Variants in FBLN7 observed in about 807,000 individuals in gnomAD.
FBLN7 encodes the protein fibulin-7.
FBLN7 carries 31 observed loss-of-function variants against 44.0 expected under a neutral mutation model. The observed-to-expected ratio is 0.70, with a 90% CI of 0.53 to 0.95. The LOEUF is 0.95. FBLN7 is among the 40% of genes least tolerant of loss of function. The pLI is 0.00. For missense variants in FBLN7, 573 were observed against 618.5 expected (o/e 0.93, Z 0.78); for synonymous variants, 262 against 253.4 (o/e 1.03, Z -0.32).
the FBLN7 span, among the ~76,000 whole-genome samples, chr2:112,227,844 T>C: frequency 3.1e-3 from 478 of 152,340 alleles, 3 homozygotes; most frequent in Middle Eastern, 0.017. Flanking sequence ...AGACATTCCA[T>C]GCTCACAGAT....
At chr2:112,190,882 T>C (rs941025839), downstream of FBLN7, among the ~76,000 whole-genome samples, 6 of 152,152 alleles carry the variant, frequency 3.9e-5, no homozygotes, top group Non-Finnish European at 7.4e-5. Context: ...AGCTAGGAAA[T>C]ATGTATTATT....
At chr2:112,157,943 T>C (rs931841855) in intron 1 of FBLN7, among the ~76,000 whole-genome samples, 15 of 144,334 alleles carry the variant, frequency 1.0e-4, no homozygotes, top group Non-Finnish European at 2.2e-4. Flanking sequence ...GTCGCCCAGG[T>C]TGGAGTGCAG....
chr2:112,228,500 CAA>C, the FBLN7 span, among the ~76,000 whole-genome samples: 20 of 77,004 alleles, frequency 2.6e-4, no homozygotes, highest in African/African-American at 4.0e-4. Context: ...GACTCTGTCT[CAA>C]AAAAAAAAAA....
At chr2:112,204,274 A>C in the FBLN7 span, among the ~76,000 whole-genome samples, 4 of 142,946 alleles carry the variant, frequency 2.8e-5, no homozygotes, top group Admixed American at 2.1e-4. Context: ...CTTGAGGAAC[A>C]AAAAAAAAAA....
chr2:112,167,932 T>TGTTATGTTATGTTA (rs1682256446), intron 3 of FBLN7, among the ~76,000 whole-genome samples: 2 of 152,174 alleles, frequency 1.3e-5, no homozygotes, highest in East Asian at 1.9e-4. Context: ...TCACTGCTAC[T>TGTTATGTTATGTTA]TGCCCTGATG....
chr2:112,188,966 C>T (rs554907727), downstream of FBLN7: 1 of 152,256 alleles, frequency 6.6e-6, no homozygotes, highest in Non-Finnish European at 1.5e-5. Context: ...CTGCACACCA[C>T]CCAGTCCCAT....
the FBLN7 span, among the ~76,000 whole-genome samples, chr2:112,208,066 G>A: frequency 1.3e-5 from 2 of 152,272 alleles, no homozygotes; most frequent in South Asian, 4.1e-4. Context: ...TAAACAAATG[G>A]GCATAGTTGT....
intron 3 of FBLN7, among the ~76,000 whole-genome samples, chr2:112,172,627 C>CTTTTTTTTTTTTTT (rs35062438): frequency 8.5e-4 from 75 of 88,140 alleles, no homozygotes; most frequent in Non-Finnish European, 1.1e-3. Context: ...CTTTTTCTTT[C>CTTTTTTTTTTTTTT]TTTTTTTTTT....
At chr2:112,180,174 C>T (rs537551256) in intron 4 of FBLN7, among the ~76,000 whole-genome samples, 5 of 152,068 alleles carry the variant, frequency 3.3e-5, no homozygotes, top group African/African-American at 1.2e-4. Flanking sequence ...AAGTGGGCAA[C>T]GTACATGAAC....
the FBLN7 span, among the ~76,000 whole-genome samples, chr2:112,207,771 A>G: frequency 6.6e-6 from 1 of 152,216 alleles, no homozygotes; most frequent in Non-Finnish European, 1.5e-5. Context: ...CAGTGACTCT[A>G]TCTTTTGAAG....
chr2:112,234,406 T>C, the FBLN7 span, among the ~76,000 whole-genome samples: 8 of 152,228 alleles, frequency 5.3e-5, no homozygotes, highest in Admixed American at 6.5e-5. Flanking sequence ...AATGAATGTT[T>C]TGTCAGTTTC....
chr2:112,184,836 TAC>T (rs201187119), intron 6 of FBLN7, among the ~76,000 whole-genome samples: 1 of 140,452 alleles, frequency 7.1e-6, no homozygotes, highest in Non-Finnish European at 1.5e-5. Flanking sequence ...TACATATATA[TAC>T]ACACACACAT....
downstream of FBLN7, chr2:112,189,542 G>A (rs867127217): frequency 6.6e-6 from 1 of 152,186 alleles, no homozygotes; most frequent in African/African-American, 2.4e-5. Flanking sequence ...TCCTTTCAGA[G>A]CTCCACTCTG....
the FBLN7 span, among the ~76,000 whole-genome samples, chr2:112,228,865 G>C: frequency 1.3e-5 from 2 of 150,982 alleles, no homozygotes; most frequent in Admixed American, 1.3e-4. Flanking sequence ...CATACGTAAA[G>C]AACTCCTAAA....
At position 112,175,780 on chromosome 2, in the gene FBLN7, A is replaced by G. The variant is rs1276478030; in HGVS notation, c.473A>G (p.Tyr158Cys). 1.9e-6 allele frequency: 3 copies of G among 1,614,222 alleles called. No homozygotes were observed. The highest frequency in any genetic ancestry group is 2.2e-5 in the East Asian group (1 of 44,890). The stretch of plus-strand genomic sequence containing the variant: ...ACATGTGTAGAAGGAGTCAACCAGT[A>G]CAGATGCATTTGTCCTCCAGGAAGG... ...GGTCVEGVNQ[Y>C]RCICPPGRTG... The change falls in exon 4 of 8, where the codon TAC becomes TGC. Residue 158 changes from tyrosine to cysteine, a missense_variant. By Grantham distance (194) the Tyr-to-Cys change is radical. Transcript: ENST00000331203.
At chr2:112,239,579 CTTTTTT>C in the FBLN7 span, among the ~76,000 whole-genome samples, 104 of 86,482 alleles carry the variant, frequency 1.2e-3, no homozygotes, top group African/African-American at 5.2e-3. Context: ...TAACAGTTTA[CTTTTTT>C]TTTTTTTTTT....
At chr2:112,230,273 A>C in the FBLN7 span, among the ~76,000 whole-genome samples, 1 of 152,334 alleles carries the variant, frequency 6.6e-6, no homozygotes, top group South Asian at 2.1e-4. Context: ...TTGTAGGAGT[A>C]TAAACTGGTA....
At chr2:112,163,740 G>A (rs995603069) in intron 2 of FBLN7, among the ~76,000 whole-genome samples, 10 of 147,290 alleles carry the variant, frequency 6.8e-5, no homozygotes, top group Middle Eastern at 3.6e-3. Context: ...CCAGAGGCCC[G>A]GTCTCACACG....
intron 1 of FBLN7, among the ~76,000 whole-genome samples, chr2:112,147,968 G>A (rs1378361117): frequency 3.9e-5 from 6 of 152,232 alleles, no homozygotes; most frequent in Admixed American, 1.3e-4. Flanking sequence ...AGTGAGAGGA[G>A]GAAAGCTGAC....
Sources: allele counts gnomAD v4.1 joint callset (sites outside exome capture counted in the v4.1 genomes callset), GRCh38; gene constraint gnomAD v4.1.1; transcripts MANE v1.5; gene names NCBI Gene and HGNC (gene_info 2026-07-23, HGNC 2026-07-21).